Variants in CNTNAP2 observed in about 807,000 individuals in gnomAD.
CNTNAP2 encodes contactin associated protein 2, also known as contactin-associated protein-like 2.
A neutral mutation model predicts 155.2 loss-of-function variants in CNTNAP2; 98 were observed. That is an observed-to-expected ratio of 0.63 (90% CI 0.54 to 0.75). The LOEUF is 0.75. CNTNAP2 is among the 30% of genes least tolerant of loss of function. CNTNAP2 has a pLI of 0.00. For synonymous variants in CNTNAP2, 651 were observed against 631.2 expected (o/e 1.03, Z -0.47); for missense variants, 1,727 against 1,688.1 (o/e 1.02, Z -0.40).
chr7:147,186,170 G>A (rs1362702461), intron 8 of CNTNAP2, among the ~76,000 whole-genome samples: 2 of 152,128 alleles, frequency 1.3e-5, no homozygotes, highest in Admixed American at 1.3e-4. Flanking sequence ...AAGAAGATGG[G>A]AATGGAAGGA....
At chr7:146,844,300 C>G (rs371004895) in intron 3 of CNTNAP2, among the ~76,000 whole-genome samples, 1 of 152,036 alleles carries the variant, frequency 6.6e-6, no homozygotes, top group South Asian at 2.1e-4. Context: ...ATGGGCTTAA[C>G]TAGTCAAACC....
chr7:147,415,892 G>A (rs1218165408), intron 10 of CNTNAP2, among the ~76,000 whole-genome samples: 1 of 152,174 alleles, frequency 6.6e-6, no homozygotes, highest in Non-Finnish European at 1.5e-5. Context: ...TAATAAGTGT[G>A]AGCCCTCCTG....
chr7:147,116,266 T>G (rs1011271188), intron 5 of CNTNAP2, among the ~76,000 whole-genome samples: 1 of 152,178 alleles, frequency 6.6e-6, no homozygotes, highest in Admixed American at 6.5e-5. Flanking sequence ...GGTTGGAGAC[T>G]ACTGTTGGGA....
intron 11 of CNTNAP2, among the ~76,000 whole-genome samples, chr7:147,554,565 A>G (rs1254921706): frequency 2.0e-5 from 3 of 152,268 alleles, no homozygotes; most frequent in Middle Eastern, 6.8e-3. Context: ...AGCTATTGTA[A>G]TTTCAACAAG....
intron 8 of CNTNAP2, among the ~76,000 whole-genome samples, chr7:147,176,499 G>C (rs1802340710): frequency 6.6e-6 from 1 of 150,922 alleles, no homozygotes; most frequent in Non-Finnish European, 1.5e-5. Context: ...CTTCAAAATA[G>C]AAAATGTGTA....
rs185926682 is a variant in CNTNAP2 at position 146,622,601 on chromosome 7, C to A, written c.98-151670C>A. On this transcript the variant is annotated intron_variant, in intron 1 of 23. Coordinates refer to ENST00000361727, the MANE Select transcript of CNTNAP2 (RefSeq NM_014141.6). Reference sequence around the variant, plus strand: ...ACTATAATCAACTATAATCAATTACCATGTCAATCATTCTAACCTTCTCCC... The same window carrying A: ...ACTATAATCAACTATAATCAATTACAATGTCAATCATTCTAACCTTCTCCC... Among the ~76,000 whole-genome samples the A allele has an allele frequency of 4.6e-5, 7 of 152,052 alleles. No homozygotes were observed. In the East Asian group the frequency reaches 1.4e-3, roughly 29 times the overall value.
chr7:147,590,612 C>G (rs147675783), intron 12 of CNTNAP2, among the ~76,000 whole-genome samples: 4 of 152,262 alleles, frequency 2.6e-5, no homozygotes, highest in African/African-American at 9.6e-5. Context: ...TGAGAACGGA[C>G]TAATATACAA....
chr7:146,325,762 C>T (rs1310713838), intron 1 of CNTNAP2, among the ~76,000 whole-genome samples: 1 of 151,990 alleles, frequency 6.6e-6, no homozygotes, highest in Non-Finnish European at 1.5e-5. Context: ...CTGCTTAAGA[C>T]ATTTTCAATA....
In CNTNAP2 at chr7:147,300,094, G is replaced by C; in HGVS notation, c.1349-47G>C. The C allele has an allele frequency of 2.5e-6, 4 of 1,593,960 alleles. No homozygotes were observed. In the South Asian group the frequency reaches 3.3e-5, roughly 13 times the overall value. On this transcript the variant is annotated intron_variant, in intron 8 of 23. Transcript: ENST00000361727. ...TTGTTGATTTTGGAAATTGTGTTCA[G>C]CTGGGTAATTTTAAGATAAAAATGA...
intron 12 of CNTNAP2, among the ~76,000 whole-genome samples, chr7:147,630,774 C>A (rs146786696): frequency 2.0e-5 from 3 of 152,214 alleles, no homozygotes; most frequent in South Asian, 2.1e-4. Flanking sequence ...GTCCAGCATC[C>A]CTTTACGAAT....
intron 10 of CNTNAP2, among the ~76,000 whole-genome samples, chr7:147,405,088 G>C (rs939174636): frequency 3.3e-5 from 5 of 152,142 alleles, no homozygotes; most frequent in Admixed American, 1.3e-4. Context: ...GCTGTGCTTT[G>C]ACATTTAAAT....
At chr7:147,662,878 AT>A (rs940065652) in intron 13 of CNTNAP2, among the ~76,000 whole-genome samples, 43 of 152,230 alleles carry the variant, frequency 2.8e-4, no homozygotes, top group African/African-American at 8.2e-4. Context: ...TATAACTCCA[AT>A]TTTTTTATTG....
At chr7:148,077,546 G>A (rs918331057) in intron 15 of CNTNAP2, among the ~76,000 whole-genome samples, 1 of 152,098 alleles carries the variant, frequency 6.6e-6, no homozygotes, top group Non-Finnish European at 1.5e-5. Flanking sequence ...AGAAACCCTG[G>A]GGAGATTCAA....
chr7:146,390,093 A>G (rs1795518783), intron 1 of CNTNAP2, among the ~76,000 whole-genome samples: 1 of 152,108 alleles, frequency 6.6e-6, no homozygotes, highest in South Asian at 2.1e-4. Flanking sequence ...AAAAAGTAAT[A>G]TTTTACTTTT....
intron 8 of CNTNAP2, among the ~76,000 whole-genome samples, chr7:147,246,019 GACTCAC>G (rs1434265628): frequency 8.1e-6 from 1 of 123,376 alleles, no homozygotes; most frequent in African/African-American, 3.5e-5. Flanking sequence ...ATATAAATAA[GACTCAC>G]ACATACACAT....
At chr7:147,003,343 C>A (rs73465236) in intron 3 of CNTNAP2, among the ~76,000 whole-genome samples, 21,872 of 151,192 alleles carry the variant, frequency 0.14, 2,376 homozygotes, top group African/African-American at 0.29. Context: ...CAACCCCCCC[C>A]AAAAAAGTAG....
intron 14 of CNTNAP2, among the ~76,000 whole-genome samples, chr7:147,963,808 T>A (rs1318397279): frequency 6.6e-6 from 1 of 152,162 alleles, no homozygotes; most frequent in Non-Finnish European, 1.5e-5. Flanking sequence ...GCTTAGGCAT[T>A]GTTACATATT....
At chr7:146,791,849 C>G (rs1802679019) in intron 2 of CNTNAP2, among the ~76,000 whole-genome samples, 1 of 152,194 alleles carries the variant, frequency 6.6e-6, no homozygotes, top group African/African-American at 2.4e-5. Context: ...AGCCTGAGAT[C>G]TAAAACCCTG....
chr7:147,747,018 G>A (rs961181208), intron 13 of CNTNAP2, among the ~76,000 whole-genome samples: 3 of 152,166 alleles, frequency 2.0e-5, no homozygotes, highest in Admixed American at 2.0e-4. Flanking sequence ...ATTGTGCTGT[G>A]TGTTCTACAA....
Sources: allele counts gnomAD v4.1 joint callset (sites outside exome capture counted in the v4.1 genomes callset), GRCh38; gene constraint gnomAD v4.1.1; transcripts MANE v1.5; gene names NCBI Gene and HGNC (gene_info 2026-07-23, HGNC 2026-07-21).